Variants in SPATA16 observed in about 807,000 individuals in gnomAD.
SPATA16 encodes the protein spermatogenesis associated 16.
Under a neutral mutation model 63.3 loss-of-function variants are expected in SPATA16, and 36 were observed. The observed-to-expected ratio is 0.57, with a 90% confidence interval of 0.44 to 0.75. SPATA16 has a LOEUF of 0.75. Ranked by LOEUF, SPATA16 falls within the 30% of genes least tolerant of loss-of-function variation. SPATA16 has a pLI of 0.00. For synonymous variants in SPATA16, 203 were observed against 216.7 expected, an observed-to-expected ratio of 0.94 and a Z score of 0.56; for missense variants, 646 against 679.3, an observed-to-expected ratio of 0.95 and a Z score of 0.54.
chr3:173,033,693 G>A (rs1735654292), intron 3 of SPATA16, among the ~76,000 whole-genome samples: 1 of 151,916 alleles, frequency 6.6e-6, no homozygotes, highest in Non-Finnish European at 1.5e-5. Context: ...CTTGGGTGAG[G>A]TTTATTTTAT....
chr3:173,094,411 A>G (rs1737299484), intron 2 of SPATA16, among the ~76,000 whole-genome samples: 1 of 152,210 alleles, frequency 6.6e-6, no homozygotes, highest in Non-Finnish European at 1.5e-5. Flanking sequence ...AATTTCAAGC[A>G]TATAGTTGTG....
At chr3:173,127,908 G>A (rs11921515) in intron 1 of SPATA16, among the ~76,000 whole-genome samples, 21,710 of 152,152 alleles carry the variant, frequency 0.14, 1,640 homozygotes, top group African/African-American at 0.19. Context: ...GATGATTCTT[G>A]CCTGAACCAA....
Position 172,954,508 on chromosome 3 carries a change from T to C in SPATA16, c.1081+2169A>G, listed in dbSNP as rs1172787615. 2.0e-5 allele frequency among the ~76,000 whole-genome samples: 3 copies of C among 152,180 alleles called. No individual in the cohort carries two copies. In the East Asian group the frequency reaches 5.8e-4, roughly 29 times the overall value. ...TACCACGAAAACAAAGTGTTTACTCTTCTAGGCCCTATCTGTCTTTATGTT... is the reference window on the plus strand; with the variant it reads ...TACCACGAAAACAAAGTGTTTACTCCTCTAGGCCCTATCTGTCTTTATGTT... On this transcript the variant is annotated intron_variant, in intron 6 of 10. Coordinates refer to ENST00000351008, the MANE Select transcript of SPATA16 (RefSeq NM_031955.6).
intron 8 of SPATA16, 47 bp from the exon 9 acceptor site, chr3:172,916,528 A>T (rs532652091): frequency 6.2e-7 from 1 of 1,603,746 alleles, no homozygotes; most frequent in Non-Finnish European, 8.5e-7. Context: ...CCACGGAAAT[A>T]GACCTCTCCC....
intron 1 of SPATA16, among the ~76,000 whole-genome samples, chr3:173,126,267 A>G (rs116378979): frequency 0.011 from 1,631 of 152,354 alleles, 27 homozygotes; most frequent in African/African-American, 0.037. Flanking sequence ...AGTGTGGTCC[A>G]TGAGGACTCA....
intron 2 of SPATA16, among the ~76,000 whole-genome samples, chr3:173,096,813 AAACAACTCAAATGTTTAT>A (rs1737365288): frequency 7.4e-6 from 1 of 134,936 alleles, no homozygotes; most frequent in Non-Finnish European, 1.6e-5. Flanking sequence ...AAAACACCAG[AAACAACTCAAATGTTTAT>A]TAAAGGGAAT....
chr3:173,000,739 T>C (rs1734801859), intron 4 of SPATA16, among the ~76,000 whole-genome samples: 1 of 151,998 alleles, frequency 6.6e-6, no homozygotes, highest in Admixed American at 6.5e-5. Context: ...CAGTGTTTTC[T>C]TCTTTCTAGG....
intron 2 of SPATA16, among the ~76,000 whole-genome samples, chr3:173,069,558 A>G (rs896973263): frequency 6.6e-6 from 1 of 152,204 alleles, no homozygotes; most frequent in African/African-American, 2.4e-5. Flanking sequence ...CCAAATATAC[A>G]AAGAAGAATT....
intron 3 of SPATA16, among the ~76,000 whole-genome samples, chr3:173,022,629 G>A (rs1735359258): frequency 6.6e-6 from 1 of 151,968 alleles, no homozygotes; most frequent in Non-Finnish European, 1.5e-5. Flanking sequence ...CAACTTGTAG[G>A]GGAAATGATG....
intron 3 of SPATA16, among the ~76,000 whole-genome samples, chr3:173,021,761 T>TA (rs1233416203): frequency 7.1e-6 from 1 of 141,100 alleles, no homozygotes; most frequent in Non-Finnish European, 1.5e-5. Flanking sequence ...TTTATTTATT[T>TA]ATTTATTTCA....
At chr3:172,918,797 C>T (rs1471105029) in intron 8 of SPATA16, among the ~76,000 whole-genome samples, 2 of 152,084 alleles carry the variant, frequency 1.3e-5, no homozygotes, top group African/African-American at 2.4e-5. Context: ...GAAGCTAAAA[C>T]CTCACACAGG....
intron 1 of SPATA16, among the ~76,000 whole-genome samples, chr3:173,131,010 A>C (rs1019900941): frequency 2.6e-5 from 4 of 152,206 alleles, no homozygotes; most frequent in Non-Finnish European, 4.4e-5. Flanking sequence ...TTACTTTTTC[A>C]ATCATGTTTC....
intron 1 of SPATA16, among the ~76,000 whole-genome samples, chr3:173,134,055 C>T (rs567730329): frequency 1.3e-5 from 2 of 152,120 alleles, no homozygotes; most frequent in Middle Eastern, 6.8e-3. Flanking sequence ...CAGACTTGGC[C>T]GGATATTGAG....
chr3:172,960,706 A>G (rs1006594731), intron 5 of SPATA16, among the ~76,000 whole-genome samples: 5 of 152,180 alleles, frequency 3.3e-5, no homozygotes, highest in Admixed American at 6.5e-5. Context: ...AGGGGGAAAC[A>G]TGACCAGCAA....
intron 4 of SPATA16, among the ~76,000 whole-genome samples, chr3:172,990,642 T>G (rs1734554814): frequency 6.6e-6 from 1 of 152,178 alleles, no homozygotes; most frequent in Non-Finnish European, 1.5e-5. Flanking sequence ...CTCTGGCTGA[T>G]GATGGGTCAC....
chr3:172,928,399 T>C (rs114804329), intron 6 of SPATA16, among the ~76,000 whole-genome samples: 221 of 152,350 alleles, frequency 1.5e-3, no homozygotes, highest in African/African-American at 5.1e-3. Flanking sequence ...ACTATTTTGC[T>C]GAAATATTAG....
chr3:172,947,896 G>T (rs902474784), intron 6 of SPATA16, among the ~76,000 whole-genome samples: 1 of 152,004 alleles, frequency 6.6e-6, no homozygotes, highest in African/African-American at 2.4e-5. Context: ...GTATACGTAT[G>T]TAACAAACCT....
intron 2 of SPATA16, among the ~76,000 whole-genome samples, chr3:173,074,284 A>T (rs927853778): frequency 1.3e-5 from 2 of 152,104 alleles, no homozygotes; most frequent in Non-Finnish European, 2.9e-5. Flanking sequence ...TTCAAATGTG[A>T]GGACATGAGA....
chr3:173,088,199 C>T (rs1737131552), intron 2 of SPATA16, among the ~76,000 whole-genome samples: 1 of 151,336 alleles, frequency 6.6e-6, no homozygotes, highest in African/African-American at 2.4e-5. Flanking sequence ...ATTCTCCTGC[C>T]TCAGCCTCCC....
Sources: allele counts gnomAD v4.1 joint callset (sites outside exome capture counted in the v4.1 genomes callset), GRCh38; gene constraint gnomAD v4.1.1; transcripts MANE v1.5; gene names NCBI Gene and HGNC (gene_info 2026-07-23, HGNC 2026-07-21).